Variants in DOCK2 observed in about 807,000 individuals in gnomAD.
DOCK2 encodes the protein dedicator of cytokinesis 2.
Under a neutral mutation model 248.9 loss-of-function variants are expected in DOCK2, and 87 were observed. That is an observed-to-expected ratio of 0.35 (90% confidence interval 0.29 to 0.42). The LOEUF (loss-of-function observed/expected upper bound fraction) is 0.42. Ranked by LOEUF, DOCK2 falls within the 10% of genes least tolerant of loss-of-function variation. DOCK2 has a pLI of 1.00. For missense variants in DOCK2, 1,747 were observed against 2,300.2 expected (o/e 0.76, Z 4.92); for synonymous variants, 805 against 821.6 (o/e 0.98, Z 0.35).
intron 46 of DOCK2, chr5:170,075,543 C>T (rs11134607): frequency 0.46 from 74,499 of 161,994 alleles, 17,890 homozygotes; most frequent in East Asian, 0.68. Flanking sequence ...CAGCTTCTGA[C>T]ATTCATCCTT....
Position 169,695,890 on chromosome 5 carries a change from G to T in DOCK2, c.931G>T (p.Gly311Cys), listed in dbSNP as rs764108527. ...RVGKMDLKDT[G>C]AKKCTQGLRR... ...CGGCAAGATGGATCTTAAGGATACT[G>T]GTGCAAAGAAGTGCACGCAGGGACT... Residue 311 changes from glycine to cysteine, a missense_variant, in exon 10 of 52, where the codon GGT (glycine) becomes TGT (cysteine). Transcript: ENST00000520908. The T allele has an allele frequency of 2.5e-6, 4 of 1,613,546 alleles. No homozygotes were observed. In the African/African-American group the frequency reaches 4.0e-5, roughly 16 times the overall value.
intron 23 of DOCK2, among the ~76,000 whole-genome samples, chr5:169,749,239 A>C (rs171938): frequency 0.32 from 49,078 of 152,136 alleles, 11,413 homozygotes; most frequent in African/African-American, 0.64. Flanking sequence ...CTTAGAGCAA[A>C]TTGAAAAAGA....
chr5:169,990,434 C>T (rs1355150555), intron 29 of DOCK2, among the ~76,000 whole-genome samples: 5 of 152,148 alleles, frequency 3.3e-5, no homozygotes, highest in Admixed American at 3.3e-4. Flanking sequence ...GCAAAGAACA[C>T]CTAATCCTGA....
intron 47 of DOCK2, 28 bp from the exon 48 acceptor site, chr5:170,077,682 T>A (rs1488445723): frequency 6.2e-7 from 1 of 1,612,418 alleles, no homozygotes; most frequent in Non-Finnish European, 8.5e-7. Flanking sequence ...AGGCTACAGC[T>A]GCTAACCACC....
intron 1 of DOCK2, among the ~76,000 whole-genome samples, chr5:169,644,221 C>T (rs938930469): frequency 1.3e-5 from 2 of 152,050 alleles, no homozygotes; most frequent in Non-Finnish European, 2.9e-5. Context: ...AATTGTAGGA[C>T]GACCTGTCTT....
chr5:169,639,630 G>T (rs1757041781), intron 1 of DOCK2, among the ~76,000 whole-genome samples: 1 of 152,202 alleles, frequency 6.6e-6, no homozygotes, highest in Non-Finnish European at 1.5e-5. Flanking sequence ...CAGGGAAAAA[G>T]AAGGTCATGG....
At chr5:170,049,355 C>T (rs578127681) in intron 40 of DOCK2, among the ~76,000 whole-genome samples, 211 of 152,314 alleles carry the variant, frequency 1.4e-3, no homozygotes, top group African/African-American at 4.7e-3. Flanking sequence ...CCTCATGATC[C>T]GCCTGCCTCG....
At chr5:169,958,749 G>A (rs978002548) in intron 27 of DOCK2, among the ~76,000 whole-genome samples, 7 of 152,148 alleles carry the variant, frequency 4.6e-5, no homozygotes, top group Non-Finnish European at 7.3e-5. Context: ...CAGCAATAGA[G>A]GGCATTCAGG....
chr5:169,748,453 A>G (rs1763730931), intron 23 of DOCK2, among the ~76,000 whole-genome samples: 1 of 152,164 alleles, frequency 6.6e-6, no homozygotes, highest in Non-Finnish European at 1.5e-5. Context: ...AGGCCAGGGG[A>G]TTTAAAAAAT....
At chr5:169,893,297 G>A (rs1371624637) in intron 27 of DOCK2, among the ~76,000 whole-genome samples, 2 of 152,102 alleles carry the variant, frequency 1.3e-5, no homozygotes, top group Non-Finnish European at 2.9e-5. Context: ...TTTCTCCAGG[G>A]GAAAGCCTTT....
chr5:170,052,711 T>C (rs1416559282), intron 41 of DOCK2, among the ~76,000 whole-genome samples: 3 of 152,230 alleles, frequency 2.0e-5, no homozygotes, highest in African/African-American at 7.2e-5. Flanking sequence ...TTTAAAAAGA[T>C]TGATGAACAG....
At chr5:169,761,421 T>C in intron 24 of DOCK2, 98 bp from the exon 25 acceptor site, 1 of 951,102 alleles carries the variant, frequency 1.1e-6, no homozygotes, top group Non-Finnish European at 1.6e-6. Flanking sequence ...ACTTGGGGGT[T>C]TCCCAGAGCT....
chr5:169,883,339 A>C (rs1772778424), intron 27 of DOCK2: 6 of 1,551,584 alleles, frequency 3.9e-6, no homozygotes, highest in Non-Finnish European at 4.4e-6. Flanking sequence ...TCCTGCTTCC[A>C]AGCATATGCT....
At chr5:170,029,796 A>G (rs1756062899) in intron 34 of DOCK2, among the ~76,000 whole-genome samples, 1 of 152,212 alleles carries the variant, frequency 6.6e-6, no homozygotes, top group Non-Finnish European at 1.5e-5. Context: ...TTTAAATTCA[A>G]TAAGAAAGGC....
intron 49 of DOCK2, chr5:170,079,795 G>A (rs1757961307): frequency 5.5e-6 from 1 of 182,364 alleles, no homozygotes; most frequent in South Asian, 1.5e-4. Flanking sequence ...AAGAGCAAGG[G>A]GCCAACCAAG....
At chr5:169,864,472 G>C (rs1278986299) in intron 27 of DOCK2, 1 of 1,510,218 alleles carries the variant, frequency 6.6e-7, no homozygotes, top group Non-Finnish European at 8.9e-7. Flanking sequence ...GAAAAACACA[G>C]AGAGGAAGGA....
rs745911968 is a variant in DOCK2, at chr5:169,741,533, C to T, written c.2268-5863C>T. Among the ~76,000 whole-genome samples, 7 of 152,292 alleles carry T rather than the reference C, an allele frequency of 4.6e-5. No homozygotes were observed. In the South Asian group the frequency reaches 1.4e-3, roughly 32 times the overall value. On this transcript the variant is annotated intron_variant, in intron 22 of 51. Coordinates refer to ENST00000520908, the MANE Select transcript of DOCK2 (RefSeq NM_004946.3). ...CCCAGAGTAATCACTCTTTTGAAAC[C>T]AGGAAAGATTCAATGGTTCTTTTTG...
intron 49 of DOCK2, 74 bp from the exon 50 acceptor site, chr5:170,080,089 C>T (rs562899672): frequency 1.0e-4 from 160 of 1,590,704 alleles, no homozygotes; most frequent in Middle Eastern, 1.7e-4. Flanking sequence ...ACTGATCTTT[C>T]AGAGACCCAG....
chr5:170,009,178 A>G (rs974269449), intron 32 of DOCK2, among the ~76,000 whole-genome samples: 2 of 152,072 alleles, frequency 1.3e-5, no homozygotes, highest in Non-Finnish European at 2.9e-5. Flanking sequence ...GGGTCTTTTT[A>G]GCTGAAAAGT....
Sources: allele counts gnomAD v4.1 joint callset (sites outside exome capture counted in the v4.1 genomes callset), GRCh38; gene constraint gnomAD v4.1.1; transcripts MANE v1.5; gene names NCBI Gene and HGNC (gene_info 2026-07-23, HGNC 2026-07-21).